FAIM: variants seen among roughly 807,000 people sequenced by gnomAD.
FAIM encodes Fas apoptotic inhibitory molecule, also known as fas apoptotic inhibitory molecule 1.
In FAIM, 14 loss-of-function variants were observed where a neutral mutation model predicts 21.2. That is an observed-to-expected ratio of 0.66 (90% CI 0.44 to 1.03). The LOEUF (loss-of-function observed/expected upper bound fraction) is 1.03. Ranked by LOEUF, FAIM falls within the 50% of genes least tolerant of loss-of-function variation. FAIM has a pLI of 0.00. For synonymous variants in FAIM, 86 were observed against 80.4 expected, an observed-to-expected ratio of 1.07 and a Z score of -0.37; for missense variants, 222 against 247.1, an observed-to-expected ratio of 0.90 and a Z score of 0.68.
At chr3:138,614,607 C>T (rs1341229455) in intron 1 of FAIM, among the ~76,000 whole-genome samples, 3 of 152,100 alleles carry the variant, frequency 2.0e-5, no homozygotes, top group African/African-American at 4.8e-5. Flanking sequence ...ACAAATAGAG[C>T]ATAGCTGCTG....
intron 5 of FAIM, chr3:138,629,623 T>G (rs778066799): frequency 6.5e-6 from 1 of 153,866 alleles, no homozygotes; most frequent in East Asian, 1.9e-4. Context: ...GATCACACTT[T>G]AGGAATGCTT....
At chr3:138,611,597 C>T (rs2042769667) in intron 1 of FAIM, among the ~76,000 whole-genome samples, 1 of 152,072 alleles carries the variant, frequency 6.6e-6, no homozygotes, top group Admixed American at 6.5e-5. Flanking sequence ...AATTTGATCC[C>T]CAGTGTGGCA....
chr3:138,632,895 T>C, intron 5 of FAIM, 35 bp from the exon 6 acceptor site: 2 of 1,603,254 alleles, frequency 1.2e-6, no homozygotes, highest in Non-Finnish European at 1.7e-6. Flanking sequence ...TAAAAGTTTC[T>C]GCACCACTAA....
intron 4 of FAIM, among the ~76,000 whole-genome samples, chr3:138,627,735 G>A (rs907956716): frequency 6.6e-6 from 1 of 152,158 alleles, no homozygotes; most frequent in Non-Finnish European, 1.5e-5. Flanking sequence ...TATGAAGGCT[G>A]CCACTGAGGT....
chr3:138,615,393 C>G (rs1409855828), intron 1 of FAIM, among the ~76,000 whole-genome samples: 1 of 152,210 alleles, frequency 6.6e-6, no homozygotes, highest in Non-Finnish European at 1.5e-5. Flanking sequence ...ATTACATTTG[C>G]TCATTCTGAT....
At chr3:138,620,145 G>A (rs570595244) in intron 2 of FAIM, among the ~76,000 whole-genome samples, 2 of 152,152 alleles carry the variant, frequency 1.3e-5, no homozygotes, top group Non-Finnish European at 2.9e-5. Context: ...CAGAATCCTA[G>A]GTTTAAATCC....
chr3:138,610,158 T>A (rs2042752327), intron 1 of FAIM, among the ~76,000 whole-genome samples: 1 of 152,238 alleles, frequency 6.6e-6, no homozygotes, highest in African/African-American at 2.4e-5. Flanking sequence ...TAGTAATTTT[T>A]AAACTGACTT....
chr3:138,631,399 G>A (rs1249774282), intron 5 of FAIM, among the ~76,000 whole-genome samples: 3 of 152,216 alleles, frequency 2.0e-5, no homozygotes, highest in Non-Finnish European at 4.4e-5. Flanking sequence ...TGGGTGGCAA[G>A]AGCAAGACCC....
chr3:138,621,364 TA>T (rs772184685), intron 2 of FAIM, 42 bp from the exon 3 acceptor site: 2 of 1,577,288 alleles, frequency 1.3e-6, no homozygotes, highest in South Asian at 2.3e-5. Context: ...GTTATTTAAT[TA>T]GTATTTTGGC....
chr3:138,629,357 T>C (rs1377078097), intron 5 of FAIM: 16 of 477,572 alleles, frequency 3.4e-5, no homozygotes, highest in Non-Finnish European at 7.4e-6. Context: ...AAACAACTCA[T>C]GTTCTTAGCT....
chr3:138,613,211 G>A (rs952430388), intron 1 of FAIM, among the ~76,000 whole-genome samples: 3 of 151,792 alleles, frequency 2.0e-5, no homozygotes, highest in African/African-American at 7.3e-5. Context: ...GTAGAAATGG[G>A]GTTTCACCAT....
chr3:138,611,045 C>A (rs2042762918), intron 1 of FAIM: 1 of 1,605,480 alleles, frequency 6.2e-7, no homozygotes, highest in Non-Finnish European at 8.5e-7. Context: ...GAGGTTAGTG[C>A]CCTGCCCAGA....
At chr3:138,621,249 A>C (rs2042881584) in intron 2 of FAIM, 158 bp from the exon 3 acceptor site, 1 of 691,942 alleles carries the variant, frequency 1.4e-6, no homozygotes, top group East Asian at 2.8e-5. Context: ...AGAGGGAGAA[A>C]ATAGTTACAT....
chr3:138,619,599 T>C (rs1277668778), intron 1 of FAIM, 112 bp from the exon 2 acceptor site: 2 of 857,890 alleles, frequency 2.3e-6, no homozygotes, highest in Non-Finnish European at 3.7e-6. Flanking sequence ...TGTAATTTAA[T>C]AAATGGATTG....
intron 4 of FAIM, among the ~76,000 whole-genome samples, chr3:138,628,465 T>TTTTTTTTATTTATTTA (rs2042964264): frequency 6.7e-6 from 1 of 149,074 alleles, no homozygotes; most frequent in African/African-American, 2.5e-5. Flanking sequence ...CATCCTTCTT[T>TTTTTTTTATTTATTTA]TTTATTTATT....
intron 1 of FAIM, among the ~76,000 whole-genome samples, chr3:138,610,348 C>CA (rs2042754012): frequency 6.6e-6 from 1 of 152,054 alleles, no homozygotes; most frequent in Non-Finnish European, 1.5e-5. Flanking sequence ...ATGAGATACG[C>CA]AAAAAGCTTT....
intron 4 of FAIM, among the ~76,000 whole-genome samples, chr3:138,624,466 T>C (rs1285471934): frequency 1.3e-5 from 2 of 152,236 alleles, no homozygotes; most frequent in Non-Finnish European, 2.9e-5. Context: ...GCCTTTACTC[T>C]TCTTTATCCA....
intron 4 of FAIM, among the ~76,000 whole-genome samples, chr3:138,626,583 C>G (rs575623309): frequency 7.9e-5 from 12 of 152,274 alleles, no homozygotes; most frequent in African/African-American, 2.4e-4. Context: ...GTATTTAGCT[C>G]ATTCCCAACT....
At chr3:138,629,915 T>C (rs548226482) in intron 5 of FAIM, 83 of 152,146 alleles carry the variant, frequency 5.5e-4, no homozygotes, top group Non-Finnish European at 9.7e-4. Flanking sequence ...ATGGGATGAA[T>C]GTAGGAGTGA....
Sources: gnomAD v4.1 joint callset for allele counts (sites outside exome capture counted in the v4.1 genomes callset) on GRCh38, gnomAD v4.1.1 for gene constraint, MANE v1.5 for transcripts, NCBI Gene and HGNC (gene_info 2026-07-23, HGNC 2026-07-21) for gene names.